ZNF814: variants seen among roughly 807,000 people sequenced by gnomAD.
ZNF814 encodes the protein zinc finger protein 814.
In ZNF814, 5 loss-of-function variants were observed where a neutral mutation model predicts 7.5. The observed-to-expected ratio is 0.67, with a 90% confidence interval of 0.35 to 1.40. ZNF814 has a LOEUF of 1.40. Ranked by LOEUF, ZNF814 falls within the 40% of genes most tolerant of loss-of-function variation. The probability of loss-of-function intolerance (pLI) is 0.04; values close to 1 mark genes in which losing one functional copy is unlikely to be tolerated. For synonymous variants in ZNF814, 315 were observed against 340.7 expected, an observed-to-expected ratio of 0.92 and a Z score of 0.83; for missense variants, 962 against 1,018.0, an observed-to-expected ratio of 0.94 and a Z score of 0.75.
the ZNF814 span, among the ~76,000 whole-genome samples, chr19:57,902,639 G>A: frequency 6.6e-6 from 1 of 151,506 alleles, no homozygotes; most frequent in African/African-American, 2.4e-5. Flanking sequence ...CACCTTTTAC[G>A]TTAGCAGTAG....
rs7251853 is a variant in ZNF814, at chr19:57,874,849, G to A, written c.541C>T (p.Pro181Ser). ...VFSESGKDFL[P>S]RSGLLQQEAS... ...TCCTGCTGGAGTAATCCTGACCTGG[G>A]CAAAAAGTCCTTCCCACTCTCACTG... Residue 181 changes from proline (P) to serine (S), a missense_variant, in exon 3 of 3, where the codon CCC (proline) becomes TCC (serine). Physicochemically the swap from Pro to Ser is moderately conservative, Grantham distance 74. Transcript: ENST00000435989. 1 of 1,614,040 alleles carries A rather than the reference G, an allele frequency of 6.2e-7. No individual in the cohort carries two copies. Among genetic ancestry groups the A allele is most frequent in the Non-Finnish European group, 8.5e-7 (1 of 1,179,984 alleles).
chr19:57,901,038 CG>C, the ZNF814 span, among the ~76,000 whole-genome samples: 16 of 148,840 alleles, frequency 1.1e-4, no homozygotes, highest in Admixed American at 2.7e-4. Context: ...TTAGTAGAGA[CG>C]GGGTTTCACC....
upstream of ZNF814, among the ~76,000 whole-genome samples, chr19:57,890,537 T>C (rs931959164): frequency 3.3e-5 from 5 of 152,080 alleles, no homozygotes; most frequent in African/African-American, 1.2e-4. Context: ...GATGAAATCA[T>C]AGGGAGTCAA....
intron 1 of ZNF814, among the ~76,000 whole-genome samples, chr19:57,880,626 AG>A (rs2071645617): frequency 8.5e-6 from 1 of 118,180 alleles, no homozygotes; most frequent in African/African-American, 4.6e-5. Context: ...TTTTTTTTTA[AG>A]AGAGAGTCTC....
rs1600134124 is a variant in ZNF814 at position 57,872,573 on chromosome 19, A to G, written c.*249T>C. ...TTTTTCCCACATTTGCTGCAATCAC[A>G]AGACCTTACTCCAGTGTGAACTCTC... On this transcript the variant is annotated 3_prime_UTR_variant, in exon 3 of 3. Transcript: ENST00000435989. The G allele has an allele frequency of 5.0e-6, 5 of 1,008,564 alleles. No individual in the cohort carries two copies. In the East Asian group the frequency reaches 9.7e-5, roughly 20 times the overall value. 62.5% of individuals were successfully genotyped at this position (1,008,564 alleles called of 1,614,324 possible).
At chr19:57,888,656 C>T in intron 1 of ZNF814, 111 bp downstream of exon 1, 7 of 1,377,620 alleles carry the variant, frequency 5.1e-6, no homozygotes, top group Non-Finnish European at 7.0e-6. Context: ...GCAAGCGCCT[C>T]AGTGTCCCAA....
At position 57,888,938 on chromosome 19, in the gene ZNF814, G is replaced by T; in HGVS notation, c.-136C>A. 1.1e-6 allele frequency: 1 copy of T among 949,800 alleles called. No individual in the cohort carries two copies. The highest frequency in any genetic ancestry group is 1.6e-6 in the Non-Finnish European group (1 of 627,450). 58.8% of individuals were successfully genotyped at this position (949,800 alleles called of 1,614,324 possible). ...AGAGCTCCAGAGTAGCCTCTGTGCA[G>T]CGGAGGACAACTGCTCCCCGACTTC... On this transcript the variant is annotated 5_prime_UTR_variant, in exon 1 of 3. The change creates a new upstream start codon in the 5' untranslated region. Transcript: ENST00000435989.
upstream of ZNF814, among the ~76,000 whole-genome samples, chr19:57,891,853 G>A (rs920520574): frequency 5.9e-5 from 9 of 151,954 alleles, no homozygotes; most frequent in African/African-American, 1.5e-4. Flanking sequence ...TCCTGGGTTC[G>A]AGCAATTCTT....
At chr19:57,886,822 G>A (rs1036618443) in intron 1 of ZNF814, among the ~76,000 whole-genome samples, 2 of 150,950 alleles carry the variant, frequency 1.3e-5, no homozygotes, top group African/African-American at 4.9e-5. Context: ...GGAGGTTGCA[G>A]TGAGCTGAGA....
Position 57,872,764 on chromosome 19 carries a change from T to C in ZNF814, c.*58A>G. 6.2e-7 allele frequency: 1 copy of C among 1,607,506 alleles called. No individual in the cohort carries two copies. Among genetic ancestry groups the C allele is most frequent in the South Asian group, 1.1e-5 (1 of 90,134 alleles). ...CATATGGCCTTTCTCCAGTGTGAAC[T>C]CTCTGGTGTGCAATGAGGTGGTCCT... is the stretch of plus-strand genomic sequence containing the variant. On this transcript the variant is annotated 3_prime_UTR_variant, in exon 3 of 3. Transcript: ENST00000435989.
At chr19:57,894,003 A>C (rs1221772481), upstream of ZNF814, among the ~76,000 whole-genome samples, 2 of 151,866 alleles carry the variant, frequency 1.3e-5, no homozygotes, top group African/African-American at 4.8e-5. Flanking sequence ...AAATCACTTG[A>C]ACCCAGGAGG....
chr19:57,902,785 C>T, the ZNF814 span, among the ~76,000 whole-genome samples: 2 of 151,872 alleles, frequency 1.3e-5, no homozygotes. Context: ...CTCAGCCTCC[C>T]GAGTAGCTGG....
chr19:57,892,812 C>T (rs1452375297), upstream of ZNF814, among the ~76,000 whole-genome samples: 1 of 152,218 alleles, frequency 6.6e-6, no homozygotes, highest in African/African-American at 2.4e-5. Flanking sequence ...CAATGTTTTT[C>T]TCTGTCTCCT....
rs1039584823 is a variant in ZNF814 at position 57,871,202 on chromosome 19, T to C, written c.*1620A>G. 1 of 152,186 alleles carries C rather than the reference T, an allele frequency of 6.6e-6. No homozygotes were observed. Among genetic ancestry groups the C allele is most frequent in the African/African-American group, 2.4e-5 (1 of 41,440 alleles). 9.4% of individuals were successfully genotyped at this position (152,186 alleles called of 1,614,324 possible). On this transcript the variant is annotated 3_prime_UTR_variant, in exon 3 of 3. Transcript: ENST00000435989. Reference sequence around the variant, plus strand: ...CAGCCGTACCAAGTACAATGCAATATACCTCGTAAAAGAATTTTGTCTTGT... The same window carrying C: ...CAGCCGTACCAAGTACAATGCAATACACCTCGTAAAAGAATTTTGTCTTGT...
intron 1 of ZNF814, 53 bp downstream of exon 1, chr19:57,888,711 CGCT>C (rs2071713774): frequency 3.9e-6 from 6 of 1,548,092 alleles, no homozygotes; most frequent in African/African-American, 1.4e-5. Context: ...GCTGCTACCT[CGCT>C]GCTTTTGGGT....
At chr19:57,892,917 G>A (rs2071740753), upstream of ZNF814, among the ~76,000 whole-genome samples, 1 of 152,218 alleles carries the variant, frequency 6.6e-6, no homozygotes, top group Non-Finnish European at 1.5e-5. Flanking sequence ...AGATGATGGG[G>A]CCCAACCAGG....
Position 57,887,066 on chromosome 19 carries a change from G to A in ZNF814, c.36+1701C>T, listed in dbSNP as rs1600140830. ...TAGCCGGGTGTGGTGGCGCATGCCTGTAATCCCAGCTACTGGGAGGCTGAG... is the reference window on the plus strand; with the variant it reads ...TAGCCGGGTGTGGTGGCGCATGCCTATAATCCCAGCTACTGGGAGGCTGAG... On this transcript the variant is annotated intron_variant, in intron 1 of 2. Coordinates refer to ENST00000435989, the MANE Select transcript of ZNF814 (RefSeq NM_001144989.2). Among the ~76,000 whole-genome samples, 5 of 151,294 alleles carry A rather than the reference G, an allele frequency of 3.3e-5. No homozygotes were observed. The South Asian group carries it at 1.0e-3, about 32-fold the overall frequency.
In ZNF814 at chr19:57,873,930, C is replaced by T. The variant is rs878996461; in HGVS notation, c.1460G>A (p.Ser487Asn). 7 of 1,607,336 alleles carry T rather than the reference C, an allele frequency of 4.4e-6. No individual in the cohort carries two copies. Among genetic ancestry groups the T allele is most frequent in the Non-Finnish European group, 5.9e-6 (7 of 1,177,090 alleles). ...RSLVHHQRVH[S>N]GERPYQCGEC... is the part of the protein sequence containing the mutation. ...TCCACACTGATAAGGTCTTTCTCCA[C>T]TGTGAACTCGCTGATGGTGAACAAG... Residue 487 changes from serine (S) to asparagine (N), a missense_variant, in exon 3 of 3, where the codon AGT becomes AAT. Coordinates refer to ENST00000435989, the MANE Select transcript of ZNF814 (RefSeq NM_001144989.2).
intron 1 of ZNF814, among the ~76,000 whole-genome samples, chr19:57,884,187 C>T (rs1319579503): frequency 6.6e-6 from 1 of 152,190 alleles, no homozygotes; most frequent in Non-Finnish European, 1.5e-5. Context: ...AGATAACCCA[C>T]AGAATGGGAG....
Sources: gnomAD v4.1 joint callset for allele counts (sites outside exome capture counted in the v4.1 genomes callset) on GRCh38, gnomAD v4.1.1 for gene constraint, MANE v1.5 for transcripts, NCBI Gene and HGNC (gene_info 2026-07-23, HGNC 2026-07-21) for gene names.